VPS54: variants seen among roughly 807,000 people sequenced by gnomAD.
The protein encoded by VPS54 is vacuolar protein sorting-associated protein 54.
A neutral mutation model predicts 121.5 loss-of-function variants in VPS54; 45 were observed. The observed-to-expected ratio is 0.37, with a 90% confidence interval of 0.29 to 0.47. The LOEUF is 0.47. Ranked by LOEUF, VPS54 falls within the 20% of genes least tolerant of loss-of-function variation. The probability of loss-of-function intolerance (pLI) is 0.99; values close to 1 mark genes in which losing one functional copy is unlikely to be tolerated. For synonymous variants in VPS54, 371 were observed against 385.8 expected (o/e 0.96, Z 0.45); for missense variants, 1,090 against 1,131.4 (o/e 0.96, Z 0.52).
intron 12 of VPS54, among the ~76,000 whole-genome samples, chr2:63,923,235 G>A (rs1411759809): frequency 1.3e-5 from 2 of 151,778 alleles, no homozygotes; most frequent in Non-Finnish European, 2.9e-5. Context: ...AGAATGGTGT[G>A]AACCCGGTAG....
intron 1 of VPS54, among the ~76,000 whole-genome samples, chr2:64,017,796 A>G (rs1678778759): frequency 6.6e-6 from 1 of 152,240 alleles, no homozygotes; most frequent in Admixed American, 6.5e-5. Context: ...AATCGCAAAC[A>G]TCTACTGTCG....
At chr2:63,929,049 C>G (rs946712193) in intron 12 of VPS54, among the ~76,000 whole-genome samples, 22 of 152,070 alleles carry the variant, frequency 1.4e-4, no homozygotes, top group African/African-American at 4.6e-4. Flanking sequence ...AAGAGACTTA[C>G]ACTCCCACAC....
rs1463755220 is a variant in VPS54, at chr2:63,968,965, C to T, written c.484G>A (p.Val162Ile). Reference protein sequence around the residue: ...HDKSRTDLEQVPKIFMKPDFA... With the variant: ...HDKSRTDLEQIPKIFMKPDFA... ...TGTTTAAGCTTTGTTACCTTAGGTA[C>T]TTGCTCCAGATCTGTCCTGGATTTA... The change falls in exon 5 of 23, where the codon GTA becomes ATA. Residue 162 changes from valine (V) to isoleucine (I), a missense_variant. Transcript: ENST00000272322. The T allele has an allele frequency of 1.9e-6, 3 of 1,603,974 alleles. No homozygotes were observed. The highest frequency in any genetic ancestry group is 2.6e-6 in the Non-Finnish European group (3 of 1,175,904).
At chr2:63,932,696 T>C (rs989055655) in intron 12 of VPS54, among the ~76,000 whole-genome samples, 7 of 151,252 alleles carry the variant, frequency 4.6e-5, no homozygotes, top group Non-Finnish European at 8.9e-5. Context: ...AAGTACTGAG[T>C]TGATTTATAT....
At chr2:63,977,995 C>T (rs533390364) in intron 3 of VPS54, among the ~76,000 whole-genome samples, 6 of 152,276 alleles carry the variant, frequency 3.9e-5, no homozygotes, top group Admixed American at 2.0e-4. Flanking sequence ...TAGTCCTTTC[C>T]GTTGTATTCT....
chr2:63,976,948 C>T (rs1359356361), intron 3 of VPS54, among the ~76,000 whole-genome samples: 1 of 151,190 alleles, frequency 6.6e-6, no homozygotes, highest in African/African-American at 2.4e-5. Flanking sequence ...CTTGCCTCAG[C>T]CTCCCAAGTA....
At chr2:63,970,227 A>G (rs1009496354) in intron 4 of VPS54, among the ~76,000 whole-genome samples, 7 of 145,360 alleles carry the variant, frequency 4.8e-5, no homozygotes, top group Non-Finnish European at 1.0e-4. Context: ...ACACACACAC[A>G]CACACACACA....
chr2:63,924,825 C>G (rs1673821166), intron 12 of VPS54, among the ~76,000 whole-genome samples: 1 of 152,136 alleles, frequency 6.6e-6, no homozygotes, highest in African/African-American at 2.4e-5. Context: ...GTAGGAAAGA[C>G]AGCCTTTTCA....
intron 22 of VPS54, among the ~76,000 whole-genome samples, chr2:63,895,231 A>G (rs1011928403): frequency 2.0e-5 from 3 of 152,102 alleles, no homozygotes; most frequent in Non-Finnish European, 4.4e-5. Flanking sequence ...CGAGGCAGGC[A>G]GATCACCTGA....
At chr2:63,898,211 C>T (rs1672524074) in intron 21 of VPS54, among the ~76,000 whole-genome samples, 1 of 152,132 alleles carries the variant, frequency 6.6e-6, no homozygotes, top group Non-Finnish European at 1.5e-5. Flanking sequence ...AGATAAAACA[C>T]ATGAAGTACC....
At chr2:63,942,171 C>A (rs1674770910) in intron 11 of VPS54, among the ~76,000 whole-genome samples, 1 of 151,588 alleles carries the variant, frequency 6.6e-6, no homozygotes, top group Non-Finnish European at 1.5e-5. Flanking sequence ...AATATTGTAC[C>A]TCTAGATAAC....
At chr2:63,926,130 T>C (rs1558996347) in intron 12 of VPS54, among the ~76,000 whole-genome samples, 1 of 152,180 alleles carries the variant, frequency 6.6e-6, no homozygotes, top group East Asian at 1.9e-4. Context: ...GTCCTCTCCT[T>C]CCTGCTGCTA....
At chr2:63,934,081 A>G (rs1226744250) in intron 11 of VPS54, 68 bp from the exon 12 acceptor site, 1 of 1,363,040 alleles carries the variant, frequency 7.3e-7, no homozygotes, top group Non-Finnish European at 1.0e-6. Context: ...CCAAAAGAGA[A>G]TTCTGTGCAT....
intron 12 of VPS54, among the ~76,000 whole-genome samples, chr2:63,931,495 A>G (rs1211059657): frequency 6.6e-6 from 1 of 152,232 alleles, no homozygotes; most frequent in Admixed American, 6.5e-5. Flanking sequence ...ACCATATACA[A>G]AAATCAACTC....
chr2:63,940,680 TCA>T (rs777744000), intron 11 of VPS54, among the ~76,000 whole-genome samples: 38 of 152,184 alleles, frequency 2.5e-4, no homozygotes, highest in Admixed American at 3.9e-4. Flanking sequence ...TCACTTAAAG[TCA>T]CAGTTTCCAA....
intron 3 of VPS54, among the ~76,000 whole-genome samples, chr2:63,974,202 A>C (rs1042625321): frequency 2.0e-5 from 3 of 152,230 alleles, no homozygotes; most frequent in Non-Finnish European, 2.9e-5. Context: ...CCATTTGTTC[A>C]AACAACTATC....
At chr2:63,909,607 A>G (rs1220726746) in intron 20 of VPS54, among the ~76,000 whole-genome samples, 1 of 150,250 alleles carries the variant, frequency 6.7e-6, no homozygotes, top group Non-Finnish European at 1.5e-5. Context: ...TTTAGTAGAG[A>G]CAGGGTTTAA....
At chr2:63,988,902 C>T (rs761916884) in intron 1 of VPS54, among the ~76,000 whole-genome samples, 1 of 152,120 alleles carries the variant, frequency 6.6e-6, no homozygotes, top group Non-Finnish European at 1.5e-5. Flanking sequence ...AGCCATATTT[C>T]TCTTATTGCC....
At chr2:63,998,818 C>T (rs1677733665) in intron 1 of VPS54, among the ~76,000 whole-genome samples, 1 of 152,076 alleles carries the variant, frequency 6.6e-6, no homozygotes, top group Non-Finnish European at 1.5e-5. Flanking sequence ...CTAATTAAGG[C>T]TAGTTTACAC....
Sources: allele counts gnomAD v4.1 joint callset (sites outside exome capture counted in the v4.1 genomes callset), GRCh38; gene constraint gnomAD v4.1.1; transcripts MANE v1.5; gene names NCBI Gene and HGNC (gene_info 2026-07-23, HGNC 2026-07-21).